The following DAB1 variants were observed in gnomAD, a reference collection of about 807,000 sequenced individuals.
DAB1 encodes the protein DAB adaptor protein 1.
DAB1 carries 15 observed loss-of-function variants against 64.6 expected under a neutral mutation model. The observed-to-expected ratio is 0.23, with a 90% CI of 0.16 to 0.36. The LOEUF (loss-of-function observed/expected upper bound fraction) is 0.36. Ranked by LOEUF, DAB1 falls within the 10% of genes least tolerant of loss-of-function variation. DAB1 has a pLI of 1.00. For synonymous variants in DAB1, 235 were observed against 251.9 expected, an observed-to-expected ratio of 0.93 and a Z score of 0.64; for missense variants, 596 against 706.7, an observed-to-expected ratio of 0.84 and a Z score of 1.78.
chr1:57,180,527 A>G (rs981162663), intron 2 of DAB1, among the ~76,000 whole-genome samples: 1 of 152,170 alleles, frequency 6.6e-6, no homozygotes, highest in African/African-American at 2.4e-5. Flanking sequence ...TGGGGGGTAA[A>G]GATTTTCTGA....
At chr1:58,372,260 G>T (rs1644271039) in intron 3 of DAB1, among the ~76,000 whole-genome samples, 1 of 152,224 alleles carries the variant, frequency 6.6e-6, no homozygotes, top group Non-Finnish European at 1.5e-5. Context: ...GTGACACATG[G>T]AATCAAAAGA....
chr1:57,787,990 TA>T (rs34931879), intron 6 of DAB1, among the ~76,000 whole-genome samples: 39,944 of 150,524 alleles, frequency 0.27, 6,785 homozygotes, highest in African/African-American at 0.48. Context: ...GATTAAATAT[TA>T]AAAAAAAAAC....
chr1:58,473,564 ATAAAT>A (rs1557431476), intron 3 of DAB1, among the ~76,000 whole-genome samples: 14 of 150,776 alleles, frequency 9.3e-5, no homozygotes, highest in East Asian at 7.8e-4. Context: ...AAATAAATAA[ATAAAT>A]AAATAAATAA....
Position 57,574,699 on chromosome 1 carries a change from TAGAACCCC to T in DAB1, n.625+74885_625+74892del, listed in dbSNP as rs145310228. ...TTTCTGGGCAGGCAGATATCTAGAC[TAGAACCCC>T]AGACCCCAGGTCACAAAGTACATGC... On this transcript the variant is annotated intron_variant and non_coding_transcript_variant, in intron 7 of 20. Coordinates refer to the DAB1 transcript ENST00000485760. Among the ~76,000 whole-genome samples, 1,338 of 152,270 alleles carry T rather than the reference TAGAACCCC, an allele frequency of 8.8e-3. 16 individuals are homozygous for T. Among genetic ancestry groups the T allele is most frequent in the Non-Finnish European group, 0.013 (871 of 68,016 alleles).
At chr1:58,359,534 T>C (rs1163599077) in intron 3 of DAB1, among the ~76,000 whole-genome samples, 3 of 152,300 alleles carry the variant, frequency 2.0e-5, no homozygotes, top group Middle Eastern at 3.4e-3. Context: ...AGTAAGTCTA[T>C]TGCTCAGTGT....
chr1:58,027,956 T>G (rs566019860), intron 5 of DAB1, among the ~76,000 whole-genome samples: 5 of 152,198 alleles, frequency 3.3e-5, no homozygotes, highest in Admixed American at 1.3e-4. Context: ...TGGGTTTAGA[T>G]TCACACAAGT....
At chr1:57,176,894 C>CA (rs1453317868) in intron 2 of DAB1, among the ~76,000 whole-genome samples, 1 of 128,380 alleles carries the variant, frequency 7.8e-6, no homozygotes. Flanking sequence ...AAATGCCACC[C>CA]AAAAAAGAAC....
At chr1:58,248,163 G>A (rs1167408096) in intron 4 of DAB1, among the ~76,000 whole-genome samples, 1 of 152,042 alleles carries the variant, frequency 6.6e-6, no homozygotes, top group African/African-American at 2.4e-5. Context: ...TGAATCCTGT[G>A]GCTCCCAGTT....
At chr1:57,104,761 C>A (rs1654986072) in intron 4 of DAB1, among the ~76,000 whole-genome samples, 1 of 151,998 alleles carries the variant, frequency 6.6e-6, no homozygotes, top group African/African-American at 2.4e-5. Context: ...GATGATGAGA[C>A]CATGAATATA....
At chr1:57,921,259 C>T (rs552666399) in intron 5 of DAB1, among the ~76,000 whole-genome samples, 6 of 152,196 alleles carry the variant, frequency 3.9e-5, no homozygotes, top group South Asian at 2.1e-4. Context: ...AACCCATGCA[C>T]GTGTATATTC....
chr1:57,568,740 AC>A (rs1185059837), intron 7 of DAB1, among the ~76,000 whole-genome samples: 1 of 152,140 alleles, frequency 6.6e-6, no homozygotes, highest in East Asian at 1.9e-4. Context: ...ACCATCTCAC[AC>A]CAGTTAGAAT....
At position 57,332,858 on chromosome 1, in the gene DAB1, T is replaced by A. The variant is rs567287513; in HGVS notation, c.-136-41692A>T. On this transcript the variant is annotated intron_variant, in intron 1 of 14. Coordinates refer to ENST00000371236, the MANE Select transcript of DAB1 (RefSeq NM_001365792.1). ...CCCTGTTCTGCAATGCTCTGTTTAATCTGACCTGTCTGCCTCCCACCAGCC... is the reference window on the plus strand; with the variant it reads ...CCCTGTTCTGCAATGCTCTGTTTAAACTGACCTGTCTGCCTCCCACCAGCC... Among the ~76,000 whole-genome samples, 202 of 152,348 alleles carry A rather than the reference T, an allele frequency of 1.3e-3. 2 individuals are homozygous for A. The highest frequency in any genetic ancestry group is 4.5e-3 in the African/African-American group (187 of 41,584).
At chr1:57,149,676 CCAGGTCTTGTGTAAAATTT>C (rs1659476849) in intron 2 of DAB1, among the ~76,000 whole-genome samples, 1 of 152,086 alleles carries the variant, frequency 6.6e-6, no homozygotes, top group African/African-American at 2.4e-5. Flanking sequence ...CAGTTTGAAC[CCAGGTCTTGTGTAAAATTT>C]CATGGTCTTA....
chr1:57,374,204 G>A (rs1169870671), intron 1 of DAB1, among the ~76,000 whole-genome samples: 1 of 152,084 alleles, frequency 6.6e-6, no homozygotes, highest in African/African-American at 2.4e-5. Flanking sequence ...TATTACCAGT[G>A]ATGAGGCTAA....
chr1:58,300,620 G>GGA lies in DAB1; in HGVS notation n.309+42731_309+42732insTC, dbSNP rs1662121365. On this transcript the variant is annotated intron_variant and non_coding_transcript_variant, in intron 4 of 20. Transcript: ENST00000485760. ...AGAAAGAAAGAAAGAAAGAGAGAGAGAGAGAGAGAGAGAGAGAGAGAGAGA... is the reference window on the plus strand; with the variant it reads ...AGAAAGAAAGAAAGAAAGAGAGAGAGGAAGAGAGAGAGAGAGAGAGAGAGAGA... Among the ~76,000 whole-genome samples the GGA allele has an allele frequency of 7.1e-5, 3 of 42,274 alleles. 1 individual carries two copies. Among genetic ancestry groups the GGA allele is most frequent in the African/African-American group, 2.2e-4 (3 of 13,888 alleles). 27.7% of individuals were successfully genotyped at this position (42,274 alleles called of 152,430 possible).
chr1:58,537,508 C>G (rs1419971810), intron 1 of DAB1, among the ~76,000 whole-genome samples: 1 of 152,076 alleles, frequency 6.6e-6, no homozygotes, highest in East Asian at 1.9e-4. Context: ...TAGATAACAT[C>G]TGAGAAGGTC....
At chr1:58,046,601 C>A (rs1475137231) in intron 5 of DAB1, among the ~76,000 whole-genome samples, 1 of 152,148 alleles carries the variant, frequency 6.6e-6, no homozygotes, top group South Asian at 2.1e-4. Context: ...CACATTTCCA[C>A]ATTAGTTTCA....
intron 4 of DAB1, among the ~76,000 whole-genome samples, chr1:58,303,440 G>C (rs1662221801): frequency 6.6e-6 from 1 of 152,146 alleles, no homozygotes; most frequent in Non-Finnish European, 1.5e-5. Flanking sequence ...ATATGGAGAT[G>C]AACAGAACAG....
chr1:57,211,712 C>G (rs986177671), intron 2 of DAB1, among the ~76,000 whole-genome samples: 2 of 152,058 alleles, frequency 1.3e-5, no homozygotes, highest in African/African-American at 4.8e-5. Flanking sequence ...TCACAGGTAC[C>G]ACATCTGAGG....
Sources: gnomAD v4.1 joint callset for allele counts (sites outside exome capture counted in the v4.1 genomes callset) on GRCh38, gnomAD v4.1.1 for gene constraint, MANE v1.5 for transcripts, NCBI Gene and HGNC (gene_info 2026-07-23, HGNC 2026-07-21) for gene names.